Variants in PABPC4L observed in about 807,000 individuals in gnomAD.
PABPC4L encodes poly(A) binding protein cytoplasmic 4 like, also known as polyadenylate-binding protein 4-like.
For synonymous variants in PABPC4L, 169 were observed against 164.1 expected, an observed-to-expected ratio of 1.03 and a Z score of -0.23; for missense variants, 452 against 451.4, an observed-to-expected ratio of 1.00 and a Z score of -0.01.
the PABPC4L span, among the ~76,000 whole-genome samples, chr4:134,130,477 C>A: frequency 6.6e-6 from 1 of 151,604 alleles, no homozygotes; most frequent in Non-Finnish European, 1.5e-5. Flanking sequence ...TAGTTTAAAC[C>A]AGGAAGAAAT....
At chr4:134,139,420 G>A in the PABPC4L span, among the ~76,000 whole-genome samples, 9 of 151,864 alleles carry the variant, frequency 5.9e-5, no homozygotes, top group East Asian at 1.7e-3. Context: ...TTAGAAACAA[G>A]GTAGCTGTAA....
the PABPC4L span, among the ~76,000 whole-genome samples, chr4:134,017,747 T>C: frequency 3.3e-5 from 5 of 152,042 alleles, no homozygotes; most frequent in African/African-American, 9.7e-5. Flanking sequence ...TAATTCTATA[T>C]GACAAATGTT....
At chr4:133,954,522 G>T in the PABPC4L span, among the ~76,000 whole-genome samples, 215 of 151,948 alleles carry the variant, frequency 1.4e-3, 5 homozygotes, top group Admixed American at 0.013. Context: ...TTTCTTTGTC[G>T]GTGGTTTAAG....
chr4:134,000,886 C>T, the PABPC4L span, among the ~76,000 whole-genome samples: 1 of 152,096 alleles, frequency 6.6e-6, no homozygotes, highest in African/African-American at 2.4e-5. Flanking sequence ...CACCCTACAC[C>T]ACCGGTTTTC....
the PABPC4L span, among the ~76,000 whole-genome samples, chr4:134,120,260 GT>G: frequency 0.46 from 63,741 of 138,368 alleles, 16,637 homozygotes; most frequent in East Asian, 0.97. Context: ...TTGTTCTTTG[GT>G]TTTTTTTTTT....
At chr4:134,044,758 A>C in the PABPC4L span, among the ~76,000 whole-genome samples, 1 of 152,212 alleles carries the variant, frequency 6.6e-6, no homozygotes, top group Admixed American at 6.6e-5. Flanking sequence ...AACATATGTT[A>C]ATATTGCAAG....
chr4:134,109,012 G>A, the PABPC4L span, among the ~76,000 whole-genome samples: 3 of 151,846 alleles, frequency 2.0e-5, no homozygotes, highest in Non-Finnish European at 4.4e-5. Context: ...CATGCCAGGT[G>A]AACAGTTCAA....
At chr4:134,150,969 A>C in the PABPC4L span, among the ~76,000 whole-genome samples, 2 of 152,224 alleles carry the variant, frequency 1.3e-5, no homozygotes, top group Non-Finnish European at 2.9e-5. Context: ...CATGAACCGA[A>C]GTAAAACTTC....
At position 134,201,130 on chromosome 4, in the gene PABPC4L, C is replaced by A; in HGVS notation, c.-111G>T. 1 of 1,550,268 alleles carries A rather than the reference C, an allele frequency of 6.5e-7. No homozygotes were observed. Among genetic ancestry groups the A allele is most frequent in the South Asian group, 1.2e-5 (1 of 83,258 alleles). On this transcript the variant is annotated 5_prime_UTR_variant, in exon 2 of 2. Coordinates refer to ENST00000421491, the MANE Select transcript of PABPC4L (RefSeq NM_001114734.2). Reference sequence around the variant, plus strand: ...GGTTCAAGTGTGGAGGCCTCGGGATCACCACACAAAGGCCAAGCAATGGAG... The same window carrying A: ...GGTTCAAGTGTGGAGGCCTCGGGATAACCACACAAAGGCCAAGCAATGGAG...
the PABPC4L span, among the ~76,000 whole-genome samples, chr4:134,037,799 T>C: frequency 6.6e-6 from 1 of 152,136 alleles, no homozygotes; most frequent in African/African-American, 2.4e-5. Flanking sequence ...CTTTTCCTAA[T>C]TAAATACCTT....
the PABPC4L span, among the ~76,000 whole-genome samples, chr4:134,054,495 C>T: frequency 6.6e-6 from 1 of 151,468 alleles, no homozygotes; most frequent in Admixed American, 6.6e-5. Flanking sequence ...GAAGGATCCC[C>T]CATTACTGTT....
chr4:133,978,143 A>G, the PABPC4L span: 1 of 152,190 alleles, frequency 6.6e-6, no homozygotes, highest in Non-Finnish European at 1.5e-5. Flanking sequence ...ATTGCACCAG[A>G]TGTGCTGAAA....
At chr4:134,066,832 G>C in the PABPC4L span, among the ~76,000 whole-genome samples, 2 of 152,050 alleles carry the variant, frequency 1.3e-5, no homozygotes, top group Non-Finnish European at 2.9e-5. Flanking sequence ...TTTATGTAAT[G>C]AATTAAATTT....
chr4:134,201,249 T>C lies in PABPC4L; in HGVS notation c.-226-4A>G, dbSNP rs1729871993. Reference sequence around the variant, plus strand: ...CTCCTAGGACGCGGCAACAGAACTGTGAAATCGCAAAGAGAGATTATTAGG... The same window carrying C: ...CTCCTAGGACGCGGCAACAGAACTGCGAAATCGCAAAGAGAGATTATTAGG... On this transcript the variant is annotated splice_polypyrimidine_tract_variant and splice_region_variant and intron_variant, in intron 1 of 1. Transcript: ENST00000421491. 1 of 1,521,058 alleles carries C rather than the reference T, an allele frequency of 6.6e-7. No homozygotes were observed. The highest frequency in any genetic ancestry group is 8.8e-7 in the Non-Finnish European group (1 of 1,130,820). 94.2% of individuals were successfully genotyped at this position (1,521,058 alleles called of 1,614,324 possible).
chr4:133,967,334 A>C, the PABPC4L span, among the ~76,000 whole-genome samples: 23 of 151,982 alleles, frequency 1.5e-4, no homozygotes, highest in African/African-American at 2.4e-4. Flanking sequence ...AACAAACAAA[A>C]AAAGAATAAA....
the PABPC4L span, among the ~76,000 whole-genome samples, chr4:134,178,415 T>C: frequency 7.0e-6 from 1 of 142,364 alleles, no homozygotes; most frequent in East Asian, 2.0e-4. Context: ...ACTTCAAGGC[T>C]GAACAAACAT....
chr4:134,046,450 G>A, the PABPC4L span, among the ~76,000 whole-genome samples: 1 of 152,050 alleles, frequency 6.6e-6, no homozygotes, highest in Non-Finnish European at 1.5e-5. Flanking sequence ...TGTACCATCT[G>A]GTTTTACACC....
the PABPC4L span, among the ~76,000 whole-genome samples, chr4:134,129,184 A>C: frequency 6.6e-6 from 1 of 152,120 alleles, no homozygotes. Flanking sequence ...AACAATTACT[A>C]CTATACCTAA....
chr4:134,099,052 T>G, the PABPC4L span, among the ~76,000 whole-genome samples: 1 of 151,666 alleles, frequency 6.6e-6, no homozygotes, highest in Non-Finnish European at 1.5e-5. Flanking sequence ...AGACAACTCT[T>G]TCTAGAAGGT....
Sources: allele counts gnomAD v4.1 joint callset (sites outside exome capture counted in the v4.1 genomes callset), GRCh38; gene constraint gnomAD v4.1.1; transcripts MANE v1.5; gene names NCBI Gene and HGNC (gene_info 2026-07-23, HGNC 2026-07-21).